Variants in DOK5 observed in about 807,000 individuals in gnomAD.
The protein encoded by DOK5 is docking protein 5.
In DOK5, 27 loss-of-function variants were observed where a neutral mutation model predicts 43.3. The observed-to-expected ratio is 0.62, with a 90% CI of 0.46 to 0.86. The LOEUF (loss-of-function observed/expected upper bound fraction) is 0.86. Among genes scored for constraint, DOK5 ranks in the 40% least tolerant of loss-of-function variants. The pLI is 0.00. For missense variants in DOK5, 373 were observed against 392.9 expected, an observed-to-expected ratio of 0.95 and a Z score of 0.43; for synonymous variants, 146 against 140.1, an observed-to-expected ratio of 1.04 and a Z score of -0.30.
chr20:54,560,917 C>T (rs1403749661), intron 2 of DOK5, among the ~76,000 whole-genome samples: 3 of 152,288 alleles, frequency 2.0e-5, no homozygotes, highest in African/African-American at 7.2e-5. Context: ...CCACCATGCC[C>T]GGCCTGAGCT....
intron 1 of DOK5, among the ~76,000 whole-genome samples, chr20:54,524,603 A>G (rs1187495806): frequency 1.3e-5 from 2 of 152,196 alleles, no homozygotes; most frequent in Non-Finnish European, 2.9e-5. Context: ...ATTATTCAAT[A>G]GGAAAAACTG....
chr20:54,572,428 C>T (rs1372586479), intron 2 of DOK5, among the ~76,000 whole-genome samples: 3 of 152,262 alleles, frequency 2.0e-5, no homozygotes, highest in African/African-American at 7.2e-5. Context: ...TCTCAAAGTG[C>T]TGGGATTACA....
intron 2 of DOK5, among the ~76,000 whole-genome samples, chr20:54,578,276 A>T (rs1233512206): frequency 6.6e-6 from 1 of 152,140 alleles, no homozygotes; most frequent in African/African-American, 2.4e-5. Flanking sequence ...TTTAATACCC[A>T]TTTTTTTGAG....
At chr20:54,476,053 A>T (rs752140141) in intron 1 of DOK5, 41 bp downstream of exon 1, 5 of 1,608,740 alleles carry the variant, frequency 3.1e-6, no homozygotes, top group Non-Finnish European at 4.2e-6. Flanking sequence ...CGCCGGTTCG[A>T]TTGTCTCTCT....
intron 1 of DOK5, among the ~76,000 whole-genome samples, chr20:54,505,724 A>C (rs114081431): frequency 0.015 from 2,295 of 152,302 alleles, 64 homozygotes; most frequent in African/African-American, 0.053. Context: ...CTTCACTGAA[A>C]GAGTAACATG....
intron 5 of DOK5, 60 bp from the exon 6 acceptor site, chr20:54,610,328 T>TG: frequency 2.8e-6 from 4 of 1,424,988 alleles, no homozygotes; most frequent in Non-Finnish European, 3.7e-6. Context: ...GCCAGGATCT[T>TG]GGTGCATTGA....
chr20:54,644,723 A>AACAAAAAAAAAAAAC (rs779663636), intron 7 of DOK5, among the ~76,000 whole-genome samples: 3 of 142,404 alleles, frequency 2.1e-5, no homozygotes, highest in African/African-American at 8.6e-5. Context: ...AAAAAAAAAA[A>AACAAAAAAAAAAAAC]ACAAAATTTA....
At chr20:54,605,251 A>G (rs1436451986) in intron 5 of DOK5, among the ~76,000 whole-genome samples, 1 of 152,194 alleles carries the variant, frequency 6.6e-6, no homozygotes, top group Non-Finnish European at 1.5e-5. Context: ...TCTGTCTACC[A>G]TGAGATAATT....
chr20:54,489,931 C>A (rs1046832732), intron 1 of DOK5, among the ~76,000 whole-genome samples: 1 of 152,134 alleles, frequency 6.6e-6, no homozygotes, highest in Non-Finnish European at 1.5e-5. Flanking sequence ...CAGCAGTGGA[C>A]AAGAAAGCCC....
intron 1 of DOK5, among the ~76,000 whole-genome samples, chr20:54,521,595 C>A (rs1342720697): frequency 6.6e-6 from 1 of 152,132 alleles, no homozygotes; most frequent in Non-Finnish European, 1.5e-5. Flanking sequence ...GGGATGCCAT[C>A]CTCCCAGGAT....
intron 1 of DOK5, among the ~76,000 whole-genome samples, chr20:54,506,308 T>C (rs1447878640): frequency 6.6e-6 from 1 of 152,152 alleles, no homozygotes; most frequent in Non-Finnish European, 1.5e-5. Context: ...GAATCAAAGA[T>C]GTTAATTTTG....
At chr20:54,634,607 A>C (rs1978737731) in intron 6 of DOK5, among the ~76,000 whole-genome samples, 1 of 151,698 alleles carries the variant, frequency 6.6e-6, no homozygotes, top group African/African-American at 2.4e-5. Context: ...ATGCCCGGCT[A>C]ATTTTTTGTA....
chr20:54,625,355 G>C (rs1235237036), intron 6 of DOK5, among the ~76,000 whole-genome samples: 1 of 152,210 alleles, frequency 6.6e-6, no homozygotes, highest in Non-Finnish European at 1.5e-5. Context: ...TGTTTTTCCA[G>C]ATGGTGGGGG....
intron 4 of DOK5, among the ~76,000 whole-genome samples, chr20:54,590,124 C>T (rs1449998654): frequency 6.6e-6 from 1 of 152,156 alleles, no homozygotes; most frequent in Non-Finnish European, 1.5e-5. Flanking sequence ...GAAGCAGTAT[C>T]CTGACAGCAC....
chr20:54,496,157 C>T (rs1982383172), intron 1 of DOK5, among the ~76,000 whole-genome samples: 1 of 152,158 alleles, frequency 6.6e-6, no homozygotes, highest in Non-Finnish European at 1.5e-5. Flanking sequence ...AGACTAATTG[C>T]TCTAATATTA....
rs371323507 is a variant in DOK5 at position 54,615,194 on chromosome 20, A to T, written c.735+4671A>T. On this transcript the variant is annotated intron_variant, in intron 6 of 7. Transcript: ENST00000262593. ...TGAAATTACAGCCTGGAGTGAATTG[A>T]TTTCAGTCAGCCTTATGACCCTCAA... Among the ~76,000 whole-genome samples the T allele has an allele frequency of 4.6e-5, 7 of 152,298 alleles. No homozygotes were observed. The East Asian group carries it at 9.6e-4, about 21-fold the overall frequency.
In DOK5 at chr20:54,554,960, A is replaced by C; in HGVS notation, c.94A>C (p.Lys32Gln). Residue 32 changes from lysine (K) to glutamine (Q), a missense_variant, in exon 2 of 8, where the codon AAG (lysine) becomes CAG (glutamine). Physicochemically the swap from Lys to Gln is moderately conservative, Grantham distance 53. Coordinates refer to ENST00000262593, the MANE Select transcript of DOK5 (RefSeq NM_018431.5). ...GIYQRCWLVFKKASSKGPKRL... is the reference protein window; with the variant it reads ...GIYQRCWLVFQKASSKGPKRL... ...TTATCAGCGATGCTGGTTAGTATTC[A>C]AGAAAGCTTCAAGCAAAGGTCCAAA... The C allele has an allele frequency of 6.2e-7, 1 of 1,613,704 alleles. No homozygotes were observed. The highest frequency in any genetic ancestry group is 8.5e-7 in the Non-Finnish European group (1 of 1,179,638).
At chr20:54,527,741 A>T (rs1292822508) in intron 1 of DOK5, among the ~76,000 whole-genome samples, 1 of 152,198 alleles carries the variant, frequency 6.6e-6, no homozygotes, top group Non-Finnish European at 1.5e-5. Flanking sequence ...CACCAGTAAG[A>T]TTTAAGGTTG....
At position 54,636,694 on chromosome 20, in the gene DOK5, T is replaced by C. The variant is rs190265319; in HGVS notation, c.736-6764T>C. ...CCTTCGGTGAGATTGATTTGACTAA[T>C]AACTCCATTTCCCACGTGGTGTGTC... is the stretch of plus-strand genomic sequence containing the variant. On this transcript the variant is annotated intron_variant, in intron 6 of 7. Transcript: ENST00000262593. Among the ~76,000 whole-genome samples the C allele has an allele frequency of 3.9e-5, 6 of 152,328 alleles. No individual in the cohort carries two copies. The East Asian group carries it at 1.2e-3, about 29-fold the overall frequency.
Sources: gnomAD v4.1 joint callset for allele counts (sites outside exome capture counted in the v4.1 genomes callset) on GRCh38, gnomAD v4.1.1 for gene constraint, MANE v1.5 for transcripts, NCBI Gene and HGNC (gene_info 2026-07-23, HGNC 2026-07-21) for gene names.